The following SLC35F1 variants were observed in gnomAD, a reference collection of about 807,000 sequenced individuals.
The protein encoded by SLC35F1 is chromosome 6 open reading frame 169.
Under a neutral mutation model 48.7 loss-of-function variants are expected in SLC35F1, and 14 were observed. The ratio of observed to expected loss-of-function variants is 0.29; its 90% CI spans 0.19 to 0.45. SLC35F1 has a LOEUF of 0.45. Among genes scored for constraint, SLC35F1 ranks in the 20% least tolerant of loss-of-function variants. The probability of loss-of-function intolerance (pLI) is 1.00; values close to 1 mark genes in which losing one functional copy is unlikely to be tolerated. For missense variants in SLC35F1, 404 were observed against 500.0 expected (o/e 0.81, Z 1.83); for synonymous variants, 190 against 202.2 (o/e 0.94, Z 0.51).
At chr6:118,287,727 T>G (rs144481770) in intron 7 of SLC35F1, among the ~76,000 whole-genome samples, 16 of 152,264 alleles carry the variant, frequency 1.1e-4, no homozygotes, top group African/African-American at 3.9e-4. Context: ...GGTCTGTCCT[T>G]TCCCACACTT....
At chr6:118,215,551 C>G (rs1476888336) in intron 2 of SLC35F1, among the ~76,000 whole-genome samples, 1 of 151,726 alleles carries the variant, frequency 6.6e-6, no homozygotes, top group Non-Finnish European at 1.5e-5. Flanking sequence ...GCCAGGCTAA[C>G]AAGCTTCTCC....
intron 4 of SLC35F1, among the ~76,000 whole-genome samples, chr6:118,274,258 G>T (rs542002802): frequency 1.3e-5 from 2 of 152,124 alleles, no homozygotes; most frequent in African/African-American, 4.8e-5. Flanking sequence ...CACCAGTGAG[G>T]CCACTCTAGC....
intron 3 of SLC35F1, among the ~76,000 whole-genome samples, chr6:118,256,205 G>GGTGTGTGT (rs71554895): frequency 7.0e-4 from 100 of 143,214 alleles, no homozygotes; most frequent in African/African-American, 1.9e-3. Flanking sequence ...GAAGACTTCT[G>GGTGTGTGT]GTGTGTGTGT....
At chr6:118,201,424 A>G (rs2114536045) in intron 2 of SLC35F1, among the ~76,000 whole-genome samples, 1 of 152,340 alleles carries the variant, frequency 6.6e-6, no homozygotes, top group South Asian at 2.1e-4. Context: ...TAAGGTAGGA[A>G]GTTGTTATAG....
chr6:118,155,098 C>G (rs982513872), intron 2 of SLC35F1, among the ~76,000 whole-genome samples: 1 of 152,078 alleles, frequency 6.6e-6, no homozygotes, highest in African/African-American at 2.4e-5. Flanking sequence ...ATAAAACTAC[C>G]ACAAATGGTC....
intron 1 of SLC35F1, among the ~76,000 whole-genome samples, chr6:118,119,684 A>G (rs1032877384): frequency 1.4e-4 from 22 of 151,992 alleles, no homozygotes; most frequent in African/African-American, 5.3e-4. Context: ...CTGTAGGCAC[A>G]CATTTTTTGA....
intron 3 of SLC35F1, among the ~76,000 whole-genome samples, chr6:118,259,775 G>A (rs1040066551): frequency 2.6e-5 from 4 of 151,984 alleles, no homozygotes; most frequent in Non-Finnish European, 5.9e-5. Context: ...TTGCTGATGT[G>A]ATTGCAGAAT....
intron 1 of SLC35F1, among the ~76,000 whole-genome samples, chr6:117,984,503 A>C (rs1776823990): frequency 6.6e-6 from 1 of 152,040 alleles, no homozygotes; most frequent in Non-Finnish European, 1.5e-5. Context: ...CAAAAAAAAA[A>C]AAAAAAAAAG....
In SLC35F1 at chr6:118,266,992, T is replaced by C. The variant is rs745459937; in HGVS notation, c.478-3T>C. ...TGTTGTTTACCTTCATCCCTCCCAA[T>C]AGCTCCTGGACTGTTTTGTGATCCC... On this transcript the variant is annotated splice_polypyrimidine_tract_variant and splice_region_variant and intron_variant, in intron 3 of 7. Transcript: ENST00000360388. 6.2e-7 allele frequency: 1 copy of C among 1,613,688 alleles called. No individual in the cohort carries two copies. Among genetic ancestry groups the C allele is most frequent in the Admixed American group, 1.7e-5 (1 of 60,002 alleles).
At chr6:118,135,877 G>C (rs1773786872) in intron 1 of SLC35F1, among the ~76,000 whole-genome samples, 1 of 152,178 alleles carries the variant, frequency 6.6e-6, no homozygotes, top group African/African-American at 2.4e-5. Context: ...TTGGAGGGCT[G>C]GTGTCTTCCA....
At chr6:118,269,874 G>GA (rs1198945306) in intron 4 of SLC35F1, among the ~76,000 whole-genome samples, 2 of 152,078 alleles carry the variant, frequency 1.3e-5, no homozygotes. Context: ...CATCTCTACA[G>GA]AAAAAATTAG....
chr6:117,950,096 A>G (rs141081116), intron 1 of SLC35F1, among the ~76,000 whole-genome samples: 391 of 152,002 alleles, frequency 2.6e-3, no homozygotes, highest in African/African-American at 9.0e-3. Flanking sequence ...CCCATACCCA[A>G]TCTTGTTCTT....
At chr6:118,066,971 T>C (rs1327566649) in intron 1 of SLC35F1, among the ~76,000 whole-genome samples, 1 of 152,100 alleles carries the variant, frequency 6.6e-6, no homozygotes, top group Non-Finnish European at 1.5e-5. Context: ...ACAAGCACCA[T>C]AGGTACCATA....
chr6:118,127,704 A>G (rs1773647754), intron 1 of SLC35F1, among the ~76,000 whole-genome samples: 1 of 151,826 alleles, frequency 6.6e-6, no homozygotes, highest in Non-Finnish European at 1.5e-5. Context: ...AACCATAAAA[A>G]CCCTAGAAGA....
chr6:118,241,043 T>C (rs911148804), intron 3 of SLC35F1, among the ~76,000 whole-genome samples: 2 of 152,130 alleles, frequency 1.3e-5, no homozygotes, highest in Admixed American at 6.5e-5. Context: ...TGTGAACAGA[T>C]TGAAGCAATA....
At chr6:118,236,519 C>G (rs879764135) in intron 3 of SLC35F1, among the ~76,000 whole-genome samples, 1 of 152,102 alleles carries the variant, frequency 6.6e-6, no homozygotes, top group Non-Finnish European at 1.5e-5. Context: ...AATGGAGAAA[C>G]AAGCAGCAAA....
At chr6:118,119,957 G>T (rs918696216) in intron 1 of SLC35F1, among the ~76,000 whole-genome samples, 1 of 152,128 alleles carries the variant, frequency 6.6e-6, no homozygotes, top group African/African-American at 2.4e-5. Context: ...TTCAAAGAAA[G>T]ACCACTCCAG....
At chr6:118,310,899 A>G (rs923845474) in intron 7 of SLC35F1, among the ~76,000 whole-genome samples, 3 of 152,222 alleles carry the variant, frequency 2.0e-5, no homozygotes, top group Admixed American at 6.5e-5. Flanking sequence ...TAGCGAGGGC[A>G]TTAGATTTAC....
chr6:117,944,291 A>G (rs1776267070), intron 1 of SLC35F1, among the ~76,000 whole-genome samples: 1 of 152,116 alleles, frequency 6.6e-6, no homozygotes, highest in South Asian at 2.1e-4. Context: ...TTCAAAAACC[A>G]TTAGCAAAGA....
Sources: gnomAD v4.1 joint callset for allele counts (sites outside exome capture counted in the v4.1 genomes callset) on GRCh38, gnomAD v4.1.1 for gene constraint, MANE v1.5 for transcripts, NCBI Gene and HGNC (gene_info 2026-07-23, HGNC 2026-07-21) for gene names.